CNTNAP5: variants seen among roughly 807,000 people sequenced by gnomAD.
The protein encoded by CNTNAP5 is contactin-associated protein-like 5.
CNTNAP5 carries 72 observed loss-of-function variants against 150.2 expected under a neutral mutation model. That is an observed-to-expected ratio of 0.48 (90% CI 0.40 to 0.58). The LOEUF (loss-of-function observed/expected upper bound fraction) is 0.58, where lower values mean the gene tolerates loss of function less well. CNTNAP5 is among the 20% of genes least tolerant of loss of function. CNTNAP5 has a pLI of 0.00. For synonymous variants in CNTNAP5, 672 were observed against 619.8 expected (o/e 1.08, Z -1.25); for missense variants, 1,636 against 1,626.2 (o/e 1.01, Z -0.10).
At chr2:124,561,293 A>C (rs1189467047) in intron 10 of CNTNAP5, among the ~76,000 whole-genome samples, 1 of 152,190 alleles carries the variant, frequency 6.6e-6, no homozygotes, top group Non-Finnish European at 1.5e-5. Flanking sequence ...GGGCATTCAA[A>C]ACAGTGCTAG....
At chr2:124,678,027 C>T (rs1441382417) in intron 13 of CNTNAP5, among the ~76,000 whole-genome samples, 1 of 152,032 alleles carries the variant, frequency 6.6e-6, no homozygotes, top group Non-Finnish European at 1.5e-5. Flanking sequence ...TCCCACATGT[C>T]TTAAGTCTCT....
At chr2:124,097,856 G>A (rs377461590) in intron 1 of CNTNAP5, among the ~76,000 whole-genome samples, 22 of 152,188 alleles carry the variant, frequency 1.4e-4, no homozygotes, top group Non-Finnish European at 3.1e-4. Context: ...GTGAAACCCC[G>A]TCTCTACTAA....
Position 124,911,531 on chromosome 2 carries a change from C to G in CNTNAP5, c.3720C>G (p.Val1240=), listed in dbSNP as rs771904844. 1.3e-6 allele frequency: 2 copies of G among 1,595,888 alleles called. No individual in the cohort carries two copies. Among genetic ancestry groups the G allele is most frequent in the Non-Finnish European group, 1.7e-6 (2 of 1,170,076 alleles). ...ATGCTGTTCGAAGTGATTCGGCAGT[C>G]ATCGGAGGTAAACAATTCATTGTTG... is the stretch of plus-strand genomic sequence containing the variant. ...LTNAVRSDSA[V]IGGVIAVVIF... is the part of the protein sequence containing the mutation. The change falls in exon 23 of 24, where the codon GTC becomes GTG. Residue 1240 remains valine (V), a synonymous_variant. Coordinates refer to ENST00000682447, the MANE Select transcript of CNTNAP5 (RefSeq NM_001367498.1).
chr2:124,752,194 G>A (rs2105151230), intron 14 of CNTNAP5, among the ~76,000 whole-genome samples: 1 of 152,180 alleles, frequency 6.6e-6, no homozygotes, highest in South Asian at 2.1e-4. Flanking sequence ...CATCTTCTAA[G>A]CCTCTGGTGA....
intron 7 of CNTNAP5, among the ~76,000 whole-genome samples, chr2:124,479,557 A>T (rs1164711282): frequency 2.0e-5 from 3 of 152,192 alleles, no homozygotes; most frequent in Non-Finnish European, 4.4e-5. Context: ...TTGGCTTTGG[A>T]GCTAATTGAC....
In CNTNAP5 at chr2:124,919,021, T is replaced by C. The variant is rs1678822023; in HGVS notation, c.*4733T>C. Among the ~76,000 whole-genome samples, 1 of 152,134 alleles carries C rather than the reference T, an allele frequency of 6.6e-6. No homozygotes were observed. The highest frequency in any genetic ancestry group is 2.4e-5 in the African/African-American group (1 of 41,468). Reference sequence around the variant, plus strand: ...TTCTTTTATCCCCTCTTTCATAGTCTTGTTTGTGGAACCATCTACTCTGCA... The same window carrying C: ...TTCTTTTATCCCCTCTTTCATAGTCCTGTTTGTGGAACCATCTACTCTGCA... On this transcript the variant is annotated 3_prime_UTR_variant, in exon 24 of 24. Coordinates refer to ENST00000682447, the MANE Select transcript of CNTNAP5 (RefSeq NM_001367498.1).
At chr2:124,249,698 A>G (rs1687125376) in intron 3 of CNTNAP5, among the ~76,000 whole-genome samples, 1 of 152,268 alleles carries the variant, frequency 6.6e-6, no homozygotes, top group South Asian at 2.1e-4. Context: ...CCTTGGGCAC[A>G]TGTTCTCAGG....
At chr2:124,138,170 T>A (rs1684023522) in intron 1 of CNTNAP5, among the ~76,000 whole-genome samples, 1 of 152,118 alleles carries the variant, frequency 6.6e-6, no homozygotes, top group Non-Finnish European at 1.5e-5. Flanking sequence ...CTCACTAGTG[T>A]ATGTGATGAG....
chr2:124,693,115 C>T (rs974343785), intron 13 of CNTNAP5, among the ~76,000 whole-genome samples: 5 of 152,148 alleles, frequency 3.3e-5, no homozygotes, highest in African/African-American at 7.2e-5. Context: ...CACACAGATA[C>T]GGGTTCAAAT....
chr2:124,764,289 A>T (rs1404768654), intron 16 of CNTNAP5, 142 bp downstream of exon 16: 1 of 643,976 alleles, frequency 1.6e-6, no homozygotes, highest in African/African-American at 1.8e-5. Context: ...GATAATGTCT[A>T]GTTCCTTCTG....
intron 8 of CNTNAP5, among the ~76,000 whole-genome samples, chr2:124,513,247 G>A (rs547132092): frequency 2.0e-5 from 3 of 152,206 alleles, no homozygotes; most frequent in South Asian, 4.2e-4. Context: ...TCTTCACATG[G>A]TCTTTTCTCT....
intron 1 of CNTNAP5, among the ~76,000 whole-genome samples, chr2:124,207,595 T>A (rs899418887): frequency 6.6e-6 from 1 of 152,222 alleles, no homozygotes; most frequent in Admixed American, 6.5e-5. Flanking sequence ...TTCATCACCA[T>A]TAATCTTTGC....
rs563719134 is a variant in CNTNAP5 at position 124,152,532 on chromosome 2, C to T, written c.83-69173C>T. ...CACCAGAATGGAATCATTATATATG[C>T]TGTATGAAATTAAAATTGATATATT... On this transcript the variant is annotated intron_variant, in intron 1 of 23. Transcript: ENST00000682447. Among the ~76,000 whole-genome samples the T allele has an allele frequency of 2.6e-5, 4 of 152,180 alleles. No individual in the cohort carries two copies. In the South Asian group the frequency reaches 8.3e-4, roughly 32 times the overall value.
intron 11 of CNTNAP5, among the ~76,000 whole-genome samples, chr2:124,601,740 C>A (rs893463704): frequency 6.6e-6 from 1 of 152,128 alleles, no homozygotes; most frequent in Admixed American, 6.5e-5. Flanking sequence ...ACTGAAATAG[C>A]TTAAAACGGA....
intron 3 of CNTNAP5, among the ~76,000 whole-genome samples, chr2:124,256,294 C>G (rs1419910145): frequency 7.2e-5 from 11 of 152,206 alleles, no homozygotes; most frequent in Admixed American, 3.9e-4. Context: ...TAAGGATATG[C>G]CGTACCTTTG....
At chr2:124,235,942 T>C (rs866147204) in intron 2 of CNTNAP5, among the ~76,000 whole-genome samples, 1,393 of 14,766 alleles carry the variant, frequency 0.094, 25 homozygotes, top group African/African-American at 0.23. Flanking sequence ...AGTTCCCACT[T>C]ATTTATTTAT....
chr2:124,285,162 A>C (rs1178276938), intron 3 of CNTNAP5, among the ~76,000 whole-genome samples: 1 of 152,196 alleles, frequency 6.6e-6, no homozygotes, highest in Non-Finnish European at 1.5e-5. Flanking sequence ...GTAAGATCCC[A>C]GATAGCGTTC....
chr2:124,350,889 A>T (rs1689862102), intron 3 of CNTNAP5, among the ~76,000 whole-genome samples: 1 of 152,120 alleles, frequency 6.6e-6, no homozygotes, highest in Non-Finnish European at 1.5e-5. Context: ...ATGTTGCCTC[A>T]TATTTAAAAA....
At chr2:124,070,089 C>T (rs555609010) in intron 1 of CNTNAP5, among the ~76,000 whole-genome samples, 5 of 151,820 alleles carry the variant, frequency 3.3e-5, no homozygotes, top group East Asian at 3.9e-4. Flanking sequence ...TTTTTGTTTA[C>T]GCAATTAGTG....
Sources: allele counts gnomAD v4.1 joint callset (sites outside exome capture counted in the v4.1 genomes callset), GRCh38; gene constraint gnomAD v4.1.1; transcripts MANE v1.5; gene names NCBI Gene and HGNC (gene_info 2026-07-23, HGNC 2026-07-21).